The following CCDC102A variants were observed in gnomAD, a reference collection of about 807,000 sequenced individuals.
CCDC102A encodes coiled-coil domain-containing protein 102A.
Under a neutral mutation model 55.5 loss-of-function variants are expected in CCDC102A, and 40 were observed. The observed-to-expected ratio is 0.72, with a 90% confidence interval of 0.56 to 0.94. The LOEUF is 0.94. Ranked by LOEUF, CCDC102A falls within the 40% of genes least tolerant of loss-of-function variation. The pLI is 0.00. For synonymous variants in CCDC102A, 323 were observed against 339.0 expected (o/e 0.95, Z 0.52); for missense variants, 779 against 768.6 (o/e 1.01, Z -0.16).
In CCDC102A at chr16:57,529,598, C is replaced by T. The variant is rs117999051; in HGVS notation, c.-147-274G>A. 0.012 allele frequency among the ~76,000 whole-genome samples: 1,811 copies of T among 152,320 alleles called. 12 individuals are homozygous for T. Among genetic ancestry groups the T allele is most frequent in the Middle Eastern group, 0.024 (7 of 294 alleles). ...CCGGTCCCGGCTCACACACTGATGG[C>T]TTATACTATACTACTATGCAACTTC... On this transcript the variant is annotated intron_variant, in intron 1 of 8. Transcript: ENST00000258214. The surrounding 1 kb of genome is among the most constrained non-coding windows in gnomAD (Gnocchi z 4.1).
chr16:57,533,522 A>T (rs2032311417), intron 1 of CCDC102A, among the ~76,000 whole-genome samples: 1 of 150,058 alleles, frequency 6.7e-6, no homozygotes, highest in Non-Finnish European at 1.5e-5. Flanking sequence ...ACACAGCCCC[A>T]GTAATGCACA....
In CCDC102A at chr16:57,526,662, G is replaced by A. The variant is rs538086171; in HGVS notation, c.586-535C>T. Among the ~76,000 whole-genome samples the A allele has an allele frequency of 4.5e-4, 69 of 152,136 alleles. 1 individual carries two copies. The highest frequency in any genetic ancestry group is 4.2e-3 in the Admixed American group (64 of 15,288). ...TCTTGCCATCCTGCCCTTCTTCTCC[G>A]CCCCGCCCATCTCCAAGGCCTGTCT... On this transcript the variant is annotated intron_variant, in intron 2 of 8. Coordinates refer to ENST00000258214, the MANE Select transcript of CCDC102A (RefSeq NM_033212.4).
At position 57,518,174 on chromosome 16, in the gene CCDC102A, T is replaced by G; in HGVS notation, c.1142A>C (p.Gln381Pro). The change falls in exon 6 of 9, where the codon CAG becomes CCG. Residue 381 changes from glutamine (Q) to proline (P), a missense_variant. Gln to Pro is a moderately conservative substitution (Grantham distance 76). Coordinates refer to ENST00000258214, the MANE Select transcript of CCDC102A (RefSeq NM_033212.4). ...CAGCGCCTCCTCCAGGTCTCCGACCTGTGCCCGCAGCTTCTTGTTCTCCCG... is the reference window on the plus strand; with the variant it reads ...CAGCGCCTCCTCCAGGTCTCCGACCGGTGCCCGCAGCTTCTTGTTCTCCCG... ...LERENKKLRA[Q>P]VGDLEEALAR... is the part of the protein sequence containing the mutation. The G allele has an allele frequency of 1.9e-6, 3 of 1,612,546 alleles. No homozygotes were observed. The highest frequency in any genetic ancestry group is 2.5e-6 in the Non-Finnish European group (3 of 1,179,890).
chr16:57,535,821 T>G (rs1463684330), intron 1 of CCDC102A, among the ~76,000 whole-genome samples: 1 of 152,076 alleles, frequency 6.6e-6, no homozygotes, highest in Non-Finnish European at 1.5e-5. Context: ...CTCTAACAGG[T>G]GGGCAGACCT....
At chr16:57,526,575 G>A (rs1303035943) in intron 2 of CCDC102A, among the ~76,000 whole-genome samples, 29 of 152,340 alleles carry the variant, frequency 1.9e-4, no homozygotes, top group Admixed American at 1.4e-3. Flanking sequence ...CCTGTGAGGA[G>A]AGCCAGCTCC....
intron 2 of CCDC102A, 46 bp downstream of exon 2, chr16:57,528,547 G>C (rs1379902949): frequency 2.6e-6 from 3 of 1,154,574 alleles, no homozygotes; most frequent in Non-Finnish European, 3.2e-6. Flanking sequence ...AATCGGCCCC[G>C]CCCACTTCGA....
rs2032352600 is a variant in CCDC102A at position 57,535,385 on chromosome 16, C to T, written c.-148+1115G>A. Among the ~76,000 whole-genome samples, 4 of 152,138 alleles carry T rather than the reference C, an allele frequency of 2.6e-5. No homozygotes were observed. The South Asian group carries it at 8.3e-4, about 32-fold the overall frequency. ...CAGCCTGGATCATTGATTTGAACTCCTTTCTTTACATATGGACCAACTGAG... is the reference window on the plus strand; with the variant it reads ...CAGCCTGGATCATTGATTTGAACTCTTTTCTTTACATATGGACCAACTGAG... On this transcript the variant is annotated intron_variant, in intron 1 of 8. Coordinates refer to ENST00000258214, the MANE Select transcript of CCDC102A (RefSeq NM_033212.4).
intron 1 of CCDC102A, among the ~76,000 whole-genome samples, chr16:57,536,211 C>G (rs1598084642): frequency 6.6e-6 from 1 of 152,222 alleles, no homozygotes; most frequent in East Asian, 1.9e-4. Flanking sequence ...CGCCCGCCGC[C>G]CCCTCCCGTC....
intron 2 of CCDC102A, 35 bp downstream of exon 2, chr16:57,528,558 G>T: frequency 8.4e-7 from 1 of 1,190,716 alleles, no homozygotes; most frequent in South Asian, 2.7e-5. Context: ...CCCACTTCGA[G>T]ACTGGAGCGC....
chr16:57,532,742 G>GAC (rs758939574), intron 1 of CCDC102A, among the ~76,000 whole-genome samples: 3 of 150,076 alleles, frequency 2.0e-5, no homozygotes, highest in South Asian at 2.1e-4. Context: ...CACAGAGGCA[G>GAC]ACACACACAC....
chr16:57,530,581 C>G (rs543779976), intron 1 of CCDC102A, among the ~76,000 whole-genome samples: 1 of 152,268 alleles, frequency 6.6e-6, no homozygotes, highest in East Asian at 1.9e-4. Context: ...TCATTCTCGG[C>G]AGATGATCTA....
Position 57,521,084 on chromosome 16 carries a change from T to C in CCDC102A, c.905A>G (p.Gln302Arg). 1 of 1,613,318 alleles carries C rather than the reference T, an allele frequency of 6.2e-7. No homozygotes were observed. Among genetic ancestry groups the C allele is most frequent in the Non-Finnish European group, 8.5e-7 (1 of 1,179,598 alleles). The change falls in exon 4 of 9, where the codon CAG becomes CGG. Residue 302 changes from glutamine to arginine, a missense_variant. By Grantham distance (43) the Gln-to-Arg change is conservative. Coordinates refer to ENST00000258214, the MANE Select transcript of CCDC102A (RefSeq NM_033212.4). ...AAGACTCACCTGCTTGAGCATCTCC[T>C]GCTTGGTCTTGCTCAGCTCCTCATA... ...IKYEELSKTKQEMLKQLSILK... is the reference protein window; with the variant it reads ...IKYEELSKTKREMLKQLSILK...
intron 3 of CCDC102A, among the ~76,000 whole-genome samples, chr16:57,525,607 C>A (rs1235765113): frequency 6.6e-6 from 1 of 152,196 alleles, no homozygotes; most frequent in African/African-American, 2.4e-5. Flanking sequence ...CCACAGCCCT[C>A]TCCCCCAACT....
chr16:57,524,324 G>A (rs944967277), intron 3 of CCDC102A, among the ~76,000 whole-genome samples: 1 of 151,898 alleles, frequency 6.6e-6, no homozygotes, highest in Non-Finnish European at 1.5e-5. Context: ...GTACTTGTCC[G>A]GGGATGCTCA....
chr16:57,533,530 A>G (rs545875271), intron 1 of CCDC102A, among the ~76,000 whole-genome samples: 7 of 148,588 alleles, frequency 4.7e-5, no homozygotes, highest in African/African-American at 1.7e-4. Context: ...CCAGTAATGC[A>G]CACACTCACA....
chr16:57,515,117 G>T (rs529341774), intron 8 of CCDC102A, among the ~76,000 whole-genome samples: 6 of 152,226 alleles, frequency 3.9e-5, no homozygotes, highest in African/African-American at 1.4e-4. Flanking sequence ...CCTCCTGCTA[G>T]AGGAGACAAT....
intron 3 of CCDC102A, among the ~76,000 whole-genome samples, chr16:57,523,169 A>C (rs77828733): frequency 1.4e-5 from 2 of 140,832 alleles, no homozygotes; most frequent in Admixed American, 1.4e-4. Context: ...CTCTGTCTCC[A>C]AAAAAAAAAA....
chr16:57,536,944 T>G (rs2032407113), upstream of CCDC102A, among the ~76,000 whole-genome samples: 1 of 152,126 alleles, frequency 6.6e-6, no homozygotes, highest in South Asian at 2.1e-4. Context: ...GCTTACCAAG[T>G]CTTCACTGTT....
intron 2 of CCDC102A, among the ~76,000 whole-genome samples, chr16:57,527,571 C>T (rs1873848711): frequency 6.6e-6 from 1 of 152,108 alleles, no homozygotes; most frequent in Non-Finnish European, 1.5e-5. Flanking sequence ...AGGCGCCCAC[C>T]AGCATGCCCG....
Sources: allele counts gnomAD v4.1 joint callset (sites outside exome capture counted in the v4.1 genomes callset), GRCh38; gene constraint gnomAD v4.1.1; non-coding constraint Gnocchi (gnomAD v3.1); transcripts MANE v1.5; gene names NCBI Gene and HGNC (gene_info 2026-07-23, HGNC 2026-07-21).